MPPED2: variants seen among roughly 807,000 people sequenced by gnomAD.
MPPED2 encodes metallophosphoesterase MPPED2.
MPPED2 carries 5 observed loss-of-function variants against 33.0 expected under a neutral mutation model. The observed-to-expected ratio is 0.15, with a 90% CI of 0.08 to 0.32. MPPED2 has a LOEUF of 0.32. Ranked by LOEUF, MPPED2 falls within the 10% of genes least tolerant of loss-of-function variation. The pLI, the probability that MPPED2 is intolerant of heterozygous loss-of-function variation, is 1.00. For missense variants in MPPED2, 275 were observed against 372.1 expected (o/e 0.74, Z 2.15); for synonymous variants, 136 against 141.9 (o/e 0.96, Z 0.29).
intron 4 of MPPED2, among the ~76,000 whole-genome samples, chr11:30,445,927 T>C (rs1949785437): frequency 1.3e-5 from 2 of 152,232 alleles, no homozygotes; most frequent in African/African-American, 4.8e-5. Flanking sequence ...TATACAAATA[T>C]CCGTTCAAGT....
chr11:30,447,006 G>A (rs1347481324), intron 4 of MPPED2, among the ~76,000 whole-genome samples: 3 of 152,172 alleles, frequency 2.0e-5, no homozygotes, highest in African/African-American at 7.2e-5. Context: ...GGGATGGAGG[G>A]AAAGAAAAGC....
intron 4 of MPPED2, among the ~76,000 whole-genome samples, chr11:30,422,149 A>G (rs1014293161): frequency 1.3e-5 from 2 of 152,314 alleles, no homozygotes; most frequent in African/African-American, 4.8e-5. Flanking sequence ...AGTGGACTCA[A>G]TTACTGGATT....
intron 4 of MPPED2, among the ~76,000 whole-genome samples, chr11:30,426,794 T>A (rs1948857181): frequency 6.6e-6 from 1 of 152,302 alleles, no homozygotes; most frequent in Non-Finnish European, 1.5e-5. Context: ...CAGTTCCAAA[T>A]GCAGACAGGC....
At chr11:30,529,643 T>C (rs1452593521) in intron 3 of MPPED2, among the ~76,000 whole-genome samples, 1 of 152,162 alleles carries the variant, frequency 6.6e-6, no homozygotes. Flanking sequence ...TATCTCTAAG[T>C]TAAAAGGAAT....
chr11:30,584,340 C>CCACA (rs1957339423), intron 1 of MPPED2: 1 of 51,702 alleles, frequency 1.9e-5, no homozygotes, highest in Non-Finnish European at 3.5e-5. Flanking sequence ...GCTTTATGAA[C>CCACA]TACACACACA....
chr11:30,479,620 C>G (rs896392585), intron 4 of MPPED2, among the ~76,000 whole-genome samples: 11 of 147,982 alleles, frequency 7.4e-5, no homozygotes, highest in Admixed American at 2.7e-4. Flanking sequence ...ATAGTGTACT[C>G]CCAAAGACAT....
intron 2 of MPPED2, among the ~76,000 whole-genome samples, chr11:30,564,073 TC>T (rs1956341907): frequency 6.6e-6 from 1 of 152,154 alleles, no homozygotes; most frequent in Non-Finnish European, 1.5e-5. Context: ...GAAAGCTAAC[TC>T]CCTCTTGCTA....
At chr11:30,448,476 T>G (rs1159788792) in intron 4 of MPPED2, among the ~76,000 whole-genome samples, 1 of 152,104 alleles carries the variant, frequency 6.6e-6, no homozygotes, top group African/African-American at 2.4e-5. Flanking sequence ...GTTCCACAGA[T>G]TATCCTGCTA....
chr11:30,466,281 G>A (rs1950704980), intron 4 of MPPED2, among the ~76,000 whole-genome samples: 1 of 152,226 alleles, frequency 6.6e-6, no homozygotes, highest in South Asian at 2.1e-4. Context: ...ATTCAGCTAA[G>A]AGAGCAAGGT....
rs1420213228 is a variant in MPPED2, at chr11:30,495,327, C to T, written c.505G>A (p.Val169Met). 2 of 1,613,830 alleles carry T rather than the reference C, an allele frequency of 1.2e-6. No homozygotes were observed. The highest frequency in any genetic ancestry group is 1.3e-5 in the African/African-American group (1 of 74,916). The change falls in exon 4 of 7, where the codon GTG becomes ATG. Residue 169 changes from valine (V) to methionine (M), a missense_variant. Val to Met is a conservative substitution (Grantham distance 21, BLOSUM62 1). Coordinates refer to ENST00000358117, the MANE Select transcript of MPPED2 (RefSeq NM_001584.3). ...SIYLQDSEVT[V>M]KGFRIYGAPW... Reference sequence around the variant, plus strand: ...GCACCGTATATCCTGAATCCCTTCACTGTTACCTCCGAATCTTGTAAGTAA... The same window carrying T: ...GCACCGTATATCCTGAATCCCTTCATTGTTACCTCCGAATCTTGTAAGTAA...
At chr11:30,585,320 G>T (rs1388472327) in intron 1 of MPPED2, among the ~76,000 whole-genome samples, 1 of 152,042 alleles carries the variant, frequency 6.6e-6, no homozygotes, top group Admixed American at 6.5e-5. Context: ...CCAGGCAGCG[G>T]CGGAGAGTGA....
At chr11:30,416,383 A>G (rs1948359619) in intron 5 of MPPED2, among the ~76,000 whole-genome samples, 1 of 152,262 alleles carries the variant, frequency 6.6e-6, no homozygotes, top group African/African-American at 2.4e-5. Flanking sequence ...AGCAGCACCA[A>G]GTGCCTTGGA....
In MPPED2 at chr11:30,463,029, T is replaced by C. The variant is rs140212982; in HGVS notation, c.536+32267A>G. Among the ~76,000 whole-genome samples the C allele has an allele frequency of 2.7e-3, 412 of 152,334 alleles. 2 individuals carry two copies. The highest frequency in any genetic ancestry group is 9.1e-3 in the African/African-American group (377 of 41,570). On this transcript the variant is annotated intron_variant, in intron 4 of 6. Transcript: ENST00000358117. ...CCTAAAAGGAAACAAGAGTCAGCAA[T>C]AGTTCAATGACTTTGCAATTGAATC...
At chr11:30,412,586 G>T (rs1948158359) in intron 6 of MPPED2, among the ~76,000 whole-genome samples, 1 of 152,090 alleles carries the variant, frequency 6.6e-6, no homozygotes, top group South Asian at 2.1e-4. Flanking sequence ...CTTAATGAGG[G>T]TCAATGGAAA....
At chr11:30,391,425 G>T (rs1947774533) in intron 6 of MPPED2, among the ~76,000 whole-genome samples, 1 of 152,150 alleles carries the variant, frequency 6.6e-6, no homozygotes, top group Non-Finnish European at 1.5e-5. Flanking sequence ...GGTGGGGCAG[G>T]CAGTAGAAGC....
intron 4 of MPPED2, among the ~76,000 whole-genome samples, chr11:30,467,618 A>AC (rs1319581139): frequency 6.6e-6 from 1 of 151,982 alleles, no homozygotes; most frequent in Admixed American, 6.6e-5. Flanking sequence ...GGTCGAGTGA[A>AC]CCCCCATTAC....
chr11:30,467,639 T>C (rs534954), intron 4 of MPPED2, among the ~76,000 whole-genome samples: 15,089 of 152,226 alleles, frequency 0.099, 963 homozygotes, highest in South Asian at 0.24. Context: ...AAGTGCGATC[T>C]AATTCTTTCC....
intron 2 of MPPED2, among the ~76,000 whole-genome samples, chr11:30,547,762 C>G (rs895640724): frequency 6.6e-6 from 1 of 152,184 alleles, no homozygotes; most frequent in Admixed American, 6.5e-5. Context: ...TCTGTTACAA[C>G]AACTTTCTTG....
chr11:30,422,849 A>G (rs1485547963), intron 4 of MPPED2, among the ~76,000 whole-genome samples: 3 of 152,178 alleles, frequency 2.0e-5, no homozygotes, highest in Admixed American at 1.3e-4. Flanking sequence ...AGAAGGAAGG[A>G]GAGCAACTCC....
Sources: gnomAD v4.1 joint callset for allele counts (sites outside exome capture counted in the v4.1 genomes callset) on GRCh38, gnomAD v4.1.1 for gene constraint, MANE v1.5 for transcripts, NCBI Gene and HGNC (gene_info 2026-07-23, HGNC 2026-07-21) for gene names.